Variants in IFFO2 observed in about 807,000 individuals in gnomAD.
IFFO2 encodes intermediate filament family orphan 2.
Under a neutral mutation model 53.5 loss-of-function variants are expected in IFFO2, and 19 were observed. The observed-to-expected ratio is 0.36, with a 90% CI of 0.25 to 0.52. The LOEUF (loss-of-function observed/expected upper bound fraction) is 0.52. Ranked by LOEUF, IFFO2 falls within the 20% of genes least tolerant of loss-of-function variation. The pLI is 0.94. For synonymous variants in IFFO2, 303 were observed against 313.6 expected (o/e 0.97, Z 0.36); for missense variants, 570 against 727.4 (o/e 0.78, Z 2.49).
intron 1 of IFFO2, among the ~76,000 whole-genome samples, chr1:18,950,778 C>G (rs1444945013): frequency 6.6e-6 from 1 of 152,164 alleles, no homozygotes; most frequent in Non-Finnish European, 1.5e-5. Flanking sequence ...CGGGAATGGG[C>G]GGGGGACACT....
At chr1:18,925,086 G>A (rs144381318) in intron 1 of IFFO2, among the ~76,000 whole-genome samples, 115 of 152,074 alleles carry the variant, frequency 7.6e-4, no homozygotes, top group South Asian at 5.0e-3. Context: ...CTTTTCTAGC[G>A]CTGGATGAGA....
intron 1 of IFFO2, among the ~76,000 whole-genome samples, chr1:18,949,301 GC>G (rs1936628911): frequency 6.6e-6 from 1 of 152,234 alleles, no homozygotes; most frequent in South Asian, 2.1e-4. Context: ...GTTGGAGCCG[GC>G]CCCCACAGAG....
rs189026147 is a variant in IFFO2, at chr1:18,931,456, C to T, written c.666-10335G>A. ...GGCTTGGGTACCCCTTCATCACCTC[C>T]TCCAGGGAGCTTTTCATGACTTCCC... On this transcript the variant is annotated intron_variant, in intron 1 of 8. Transcript: ENST00000455833. Among the ~76,000 whole-genome samples, 354 of 152,294 alleles carry T rather than the reference C, an allele frequency of 2.3e-3. 5 individuals carry two copies. The highest frequency in any genetic ancestry group is 6.2e-4 in the Non-Finnish European group (42 of 68,010).
At chr1:18,945,783 C>T (rs976867963) in intron 1 of IFFO2, among the ~76,000 whole-genome samples, 2 of 152,240 alleles carry the variant, frequency 1.3e-5, no homozygotes, top group Non-Finnish European at 2.9e-5. Flanking sequence ...AACCCCCAGC[C>T]TTATTTAGTG....
intron 1 of IFFO2, among the ~76,000 whole-genome samples, chr1:18,948,661 C>G (rs1936620932): frequency 6.6e-6 from 1 of 152,248 alleles, no homozygotes; most frequent in Admixed American, 6.5e-5. Flanking sequence ...AGTCTCCCAT[C>G]TGGCCTGGAA....
chr1:18,937,197 C>T (rs184686486), intron 1 of IFFO2, among the ~76,000 whole-genome samples: 43 of 152,246 alleles, frequency 2.8e-4, no homozygotes, highest in African/African-American at 1.0e-3. Flanking sequence ...GACAAGGACC[C>T]AGCTAACAAA....
chr1:18,952,604 A>C (rs1936672185), intron 1 of IFFO2, among the ~76,000 whole-genome samples: 1 of 152,242 alleles, frequency 6.6e-6, no homozygotes, highest in Non-Finnish European at 1.5e-5. Flanking sequence ...AGCCAAACAC[A>C]AAAGACTGCA....
In IFFO2 at chr1:18,917,077, G is replaced by A. The variant is rs771742611; in HGVS notation, c.964-35C>T. 1.2e-5 allele frequency: 18 copies of A among 1,550,422 alleles called. No homozygotes were observed. The South Asian group carries it at 1.9e-4, about 16-fold the overall frequency. On this transcript the variant is annotated intron_variant, in intron 4 of 8. Transcript: ENST00000455833. This position sits in a 1 kb window ranked among gnomAD's most constrained non-coding sequence, Gnocchi z 5.9. Reference sequence around the variant, plus strand: ...AAAGGAAGCAATCAAGGTAACTGGGGGGCTCGGCTAGGATGGAAGGTAGGG... The same window carrying A: ...AAAGGAAGCAATCAAGGTAACTGGGAGGCTCGGCTAGGATGGAAGGTAGGG...
At position 18,926,117 on chromosome 1, in the gene IFFO2, AGATGGATG is replaced by A. The variant is rs150662588; in HGVS notation, c.666-5004_666-4997del. Among the ~76,000 whole-genome samples, 2 of 35,534 alleles carry A rather than the reference AGATGGATG, an allele frequency of 5.6e-5. 1 individual carries two copies. Among genetic ancestry groups the A allele is most frequent in the Non-Finnish European group, 1.1e-4 (2 of 17,520 alleles). The allele number at this position is 35,534 out of a possible 152,430, so 23.3% of individuals were successfully genotyped here. A position where few individuals can be genotyped will look rare whatever the true frequency, so the allele number is the denominator to read the frequency against. ...GGATGGATGGATTGGTTGGATGGAT[AGATGGATG>A]GATGGATGGATGGATGGATGGATGG... On this transcript the variant is annotated intron_variant, in intron 1 of 8. Transcript: ENST00000455833.
At chr1:18,908,773 GGGGCCT>G (rs1935989455) in intron 8 of IFFO2, 107 bp from the exon 9 acceptor site, 2 of 796,100 alleles carry the variant, frequency 2.5e-6, no homozygotes, top group African/African-American at 1.7e-5. Context: ...TACTCTCAGA[GGGGCCT>G]GGTCCTGAGC....
intron 1 of IFFO2, among the ~76,000 whole-genome samples, chr1:18,937,922 T>C (rs1165140256): frequency 1.3e-5 from 2 of 152,220 alleles, no homozygotes; most frequent in African/African-American, 4.8e-5. Flanking sequence ...CAGCACAGCC[T>C]CTCTTCTCAA....
rs1437865734 is a variant in IFFO2 at position 18,910,200 on chromosome 1, T to TGGATGGATGGATGGACGGAC, written c.1448+122_1448+141dup. The TGGATGGATGGATGGACGGAC allele has an allele frequency of 2.5e-4, 232 of 946,152 alleles. No homozygotes were observed. The African/African-American group carries it at 3.3e-3, about 13-fold the overall frequency. 58.6% of individuals were successfully genotyped at this position (946,152 alleles called of 1,614,324 possible). On this transcript the variant is annotated intron_variant, in intron 8 of 8. Coordinates refer to ENST00000455833, the MANE Select transcript of IFFO2 (RefSeq NM_001136265.2). ...TGCTAATAGTCACTGGATGGATGGATGGATGGATGGATGGACGGACGGACG... is the reference window on the plus strand; with the variant it reads ...TGCTAATAGTCACTGGATGGATGGATGGATGGATGGATGGACGGACGGATGGATGGATGGACGGACGGACG...
rs571374409 is a variant in IFFO2, at chr1:18,950,138, T to C, written c.665+5530A>G. 2.6e-5 allele frequency among the ~76,000 whole-genome samples: 4 copies of C among 152,254 alleles called. No individual in the cohort carries two copies. The South Asian group carries it at 8.3e-4, about 32-fold the overall frequency. On this transcript the variant is annotated intron_variant, in intron 1 of 8. Coordinates refer to ENST00000455833, the MANE Select transcript of IFFO2 (RefSeq NM_001136265.2). ...GAAAGGGCTGGGGGATGGCGAGAGA[T>C]TTCCGGAGGCACAAATCAACTGCTA...
intron 1 of IFFO2, among the ~76,000 whole-genome samples, chr1:18,930,920 C>T (rs1337972241): frequency 6.6e-6 from 1 of 152,138 alleles, no homozygotes; most frequent in Non-Finnish European, 1.5e-5. Flanking sequence ...GCTGTAATCC[C>T]AACACTTTGG....
At chr1:18,913,375 A>G (rs995552385) in intron 5 of IFFO2, among the ~76,000 whole-genome samples, 1 of 152,214 alleles carries the variant, frequency 6.6e-6, no homozygotes, top group Non-Finnish European at 1.5e-5. Flanking sequence ...CACACACTCA[A>G]TTCCTGACTT....
chr1:18,913,625 G>A (rs1041155084), intron 5 of IFFO2, among the ~76,000 whole-genome samples: 3 of 152,190 alleles, frequency 2.0e-5, no homozygotes, highest in East Asian at 1.9e-4. Flanking sequence ...ACTGTAACAC[G>A]GCTGCATTAT....
At chr1:18,942,260 T>C (rs1303283303) in intron 1 of IFFO2, among the ~76,000 whole-genome samples, 1 of 152,226 alleles carries the variant, frequency 6.6e-6, no homozygotes, top group African/African-American at 2.4e-5. Flanking sequence ...ATGTTGGAGT[T>C]GGGTGAACCA....
At chr1:18,922,585 C>G (rs1334652057) in intron 1 of IFFO2, among the ~76,000 whole-genome samples, 1 of 152,200 alleles carries the variant, frequency 6.6e-6, no homozygotes. Context: ...TCCCTCTCCC[C>G]CTTTTCTCCA....
rs1936148150 is a variant in IFFO2 at position 18,917,349 on chromosome 1, A to C, written c.964-307T>G. On this transcript the variant is annotated intron_variant, in intron 4 of 8. Coordinates refer to ENST00000455833, the MANE Select transcript of IFFO2 (RefSeq NM_001136265.2). The surrounding 1 kb of genome is among the most constrained non-coding windows in gnomAD (Gnocchi z 5.9). ...CAGTTTGGGGAGAGGAGCAGGCCAG[A>C]CCGGGACACAGAGTTGCCTGGGATA... Among the ~76,000 whole-genome samples the C allele has an allele frequency of 6.6e-6, 1 of 152,116 alleles. No homozygotes were observed. Among genetic ancestry groups the C allele is most frequent in the African/African-American group, 2.4e-5 (1 of 41,418 alleles).
Sources: allele counts gnomAD v4.1 joint callset (sites outside exome capture counted in the v4.1 genomes callset), GRCh38; gene constraint gnomAD v4.1.1; non-coding constraint Gnocchi (gnomAD v3.1); transcripts MANE v1.5; gene names NCBI Gene and HGNC (gene_info 2026-07-23, HGNC 2026-07-21).